PAK5: variants seen among roughly 807,000 people sequenced by gnomAD.
The protein encoded by PAK5 is p21 (RAC1) activated kinase 5.
A neutral mutation model predicts 65.9 loss-of-function variants in PAK5; 16 were observed. The ratio of observed to expected loss-of-function variants is 0.24; its 90% CI spans 0.16 to 0.37. The LOEUF (loss-of-function observed/expected upper bound fraction) is 0.37, where lower values mean the gene tolerates loss of function less well. PAK5 is among the 10% of genes least tolerant of loss of function. PAK5 has a pLI of 1.00. For synonymous variants in PAK5, 371 were observed against 354.9 expected (o/e 1.05, Z -0.51); for missense variants, 785 against 903.9 (o/e 0.87, Z 1.69).
At chr20:9,707,807 C>T (rs1385877214) in intron 2 of PAK5, among the ~76,000 whole-genome samples, 2 of 152,140 alleles carry the variant, frequency 1.3e-5, no homozygotes, top group Non-Finnish European at 2.9e-5. Flanking sequence ...GGGAGTGAAG[C>T]ATCTGAGACT....
chr20:9,775,723 A>C (rs1363114892), intron 1 of PAK5, among the ~76,000 whole-genome samples: 1 of 152,136 alleles, frequency 6.6e-6, no homozygotes, highest in African/African-American at 2.4e-5. Context: ...GTATGTATCT[A>C]TTTATGGGGT....
intron 3 of PAK5, among the ~76,000 whole-genome samples, chr20:9,641,822 A>G (rs566838718): frequency 1.6e-3 from 247 of 152,222 alleles, no homozygotes; most frequent in Non-Finnish European, 2.6e-3. Flanking sequence ...CTCCGCAGCC[A>G]CTGGCCCAGG....
intron 2 of PAK5, among the ~76,000 whole-genome samples, chr20:9,680,877 A>T (rs2047640642): frequency 6.6e-6 from 1 of 152,230 alleles, no homozygotes; most frequent in African/African-American, 2.4e-5. Context: ...TTTTATGTCC[A>T]CTTCAGAAGA....
intron 3 of PAK5, among the ~76,000 whole-genome samples, chr20:9,641,587 T>C (rs2123265061): frequency 6.6e-6 from 1 of 151,984 alleles, no homozygotes; most frequent in South Asian, 2.1e-4. Flanking sequence ...TGCGGTGCGC[T>C]CACATTCCTC....
chr20:9,610,370 TGGCA>T (rs2046535913), intron 3 of PAK5, among the ~76,000 whole-genome samples: 1 of 152,232 alleles, frequency 6.6e-6, no homozygotes, highest in South Asian at 2.1e-4. Context: ...AAGCCTGTAC[TGGCA>T]GCTATCTCTG....
chr20:9,704,815 A>C (rs1012117862), intron 2 of PAK5, among the ~76,000 whole-genome samples: 1 of 152,202 alleles, frequency 6.6e-6, no homozygotes, highest in Non-Finnish European at 1.5e-5. Context: ...CCAGTGGTCC[A>C]GCAAAGCATC....
chr20:9,758,284 A>G (rs2123639107), intron 1 of PAK5, among the ~76,000 whole-genome samples: 1 of 152,218 alleles, frequency 6.6e-6, no homozygotes, highest in East Asian at 1.9e-4. Flanking sequence ...TCATACTATT[A>G]ACAGAAGTAT....
At chr20:9,738,400 A>C (rs902839016) in intron 1 of PAK5, among the ~76,000 whole-genome samples, 4 of 152,204 alleles carry the variant, frequency 2.6e-5, no homozygotes, top group Non-Finnish European at 5.9e-5. Flanking sequence ...ATAGCCAAAA[A>C]GTGGAAACCA....
chr20:9,834,843 A>G (rs933120894), intron 1 of PAK5, among the ~76,000 whole-genome samples: 2 of 152,176 alleles, frequency 1.3e-5, no homozygotes, highest in African/African-American at 4.8e-5. Flanking sequence ...TAATTTCCAG[A>G]AGACTGAAAG....
intron 2 of PAK5, among the ~76,000 whole-genome samples, chr20:9,688,407 A>T (rs1388780847): frequency 1.3e-5 from 2 of 152,008 alleles, no homozygotes; most frequent in African/African-American, 4.8e-5. Flanking sequence ...CCCAAGGCCT[A>T]TAAGAACAGA....
At chr20:9,705,637 C>T (rs2047997079) in intron 2 of PAK5, among the ~76,000 whole-genome samples, 1 of 152,130 alleles carries the variant, frequency 6.6e-6, no homozygotes, top group South Asian at 2.1e-4. Flanking sequence ...TCTAGGCAAA[C>T]CGAGATGGTT....
intron 7 of PAK5, among the ~76,000 whole-genome samples, chr20:9,551,052 C>A (rs1165853475): frequency 6.6e-6 from 1 of 152,022 alleles, no homozygotes; most frequent in Admixed American, 6.6e-5. Context: ...GGAAGTGAGG[C>A]CTGTTCTGCT....
intron 1 of PAK5, among the ~76,000 whole-genome samples, chr20:9,810,971 C>T (rs1282729767): frequency 1.3e-5 from 2 of 152,114 alleles, no homozygotes; most frequent in Non-Finnish European, 2.9e-5. Context: ...ATGAAAAACA[C>T]TATGGAATCC....
chr20:9,779,216 A>G (rs1291211878), intron 1 of PAK5, among the ~76,000 whole-genome samples: 1 of 151,984 alleles, frequency 6.6e-6, no homozygotes, highest in African/African-American at 2.4e-5. Flanking sequence ...AGTATTAAAT[A>G]TTTATTGACT....
chr20:9,582,262 A>T (rs1017564060), intron 3 of PAK5, among the ~76,000 whole-genome samples: 1 of 152,092 alleles, frequency 6.6e-6, no homozygotes, highest in African/African-American at 2.4e-5. Context: ...AGTTCATTAC[A>T]TTTATTTGTT....
At chr20:9,797,970 C>T (rs2049124698) in intron 1 of PAK5, among the ~76,000 whole-genome samples, 2 of 151,920 alleles carry the variant, frequency 1.3e-5, no homozygotes, top group Admixed American at 1.3e-4. Flanking sequence ...AGAGAAGTAC[C>T]CCAACCTGTA....
chr20:9,599,256 T>C (rs944792123), intron 3 of PAK5, among the ~76,000 whole-genome samples: 3 of 152,238 alleles, frequency 2.0e-5, no homozygotes, highest in Non-Finnish European at 4.4e-5. Flanking sequence ...CATTCATTCA[T>C]CTGTCAACAG....
intron 2 of PAK5, among the ~76,000 whole-genome samples, chr20:9,663,936 G>A (rs2047379044): frequency 6.6e-6 from 1 of 152,108 alleles, no homozygotes; most frequent in African/African-American, 2.4e-5. Context: ...ATAAATTGAG[G>A]TATATTCCTA....
At chr20:9,651,360 G>T (rs572378174) in intron 2 of PAK5, among the ~76,000 whole-genome samples, 1 of 152,286 alleles carries the variant, frequency 6.6e-6, no homozygotes, top group Non-Finnish European at 1.5e-5. Flanking sequence ...TATAAGCCAG[G>T]TCCAATCAGT....
Sources: gnomAD v4.1 joint callset for allele counts (sites outside exome capture counted in the v4.1 genomes callset) on GRCh38, gnomAD v4.1.1 for gene constraint, MANE v1.5 for transcripts, NCBI Gene and HGNC (gene_info 2026-07-23, HGNC 2026-07-21) for gene names.